Variants in ITGAL observed in about 807,000 individuals in gnomAD.
ITGAL encodes integrin alpha-L.
Under a neutral mutation model 138.4 loss-of-function variants are expected in ITGAL, and 68 were observed. The ratio of observed to expected loss-of-function variants is 0.49; its 90% CI spans 0.40 to 0.60. The LOEUF is 0.60. Ranked by LOEUF, ITGAL falls within the 20% of genes least tolerant of loss-of-function variation. The pLI is 0.00. For synonymous variants in ITGAL, 561 were observed against 584.3 expected (o/e 0.96, Z 0.57); for missense variants, 1,256 against 1,478.6 (o/e 0.85, Z 2.47).
chr16:30,499,238 A>G lies in ITGAL; in HGVS notation c.1993+4A>G. The G allele has an allele frequency of 6.2e-7, 1 of 1,614,064 alleles. No homozygotes were observed. The stretch of plus-strand genomic sequence containing the variant: ...TCTCTCATCCCCCAGTTCCAAGGTC[A>G]GAGCTCTCCTCCTGCTCCCAGGGCA... On this transcript the variant is annotated splice_donor_region_variant and intron_variant, in intron 16 of 30. Coordinates refer to ENST00000356798, the MANE Select transcript of ITGAL (RefSeq NM_002209.3).
At chr16:30,507,782 C>T (rs187842322) in intron 21 of ITGAL, among the ~76,000 whole-genome samples, 61 of 152,096 alleles carry the variant, frequency 4.0e-4, no homozygotes, top group Middle Eastern at 3.4e-3. Context: ...CAAGTGTGCC[C>T]GGCCAAATTT....
At chr16:30,506,669 C>T in intron 20 of ITGAL, 46 bp from the exon 21 acceptor site, 4 of 1,566,198 alleles carry the variant, frequency 2.6e-6, no homozygotes, top group Middle Eastern at 1.7e-4. Context: ...TGATATTCCC[C>T]ACCCTGATCC....
At chr16:30,473,383 A>G (rs946287361) in intron 1 of ITGAL, among the ~76,000 whole-genome samples, 2 of 152,238 alleles carry the variant, frequency 1.3e-5, no homozygotes, top group East Asian at 3.8e-4. Flanking sequence ...CAGTGAGCCA[A>G]GCTCGTGCCA....
intron 21 of ITGAL, among the ~76,000 whole-genome samples, chr16:30,507,176 TG>T (rs1271750128): frequency 4.0e-5 from 6 of 151,144 alleles, no homozygotes; most frequent in Non-Finnish European, 8.8e-5. Flanking sequence ...AATACAAAAA[TG>T]GGCCGGGCGT....
chr16:30,482,146 C>A lies in ITGAL; in HGVS notation c.722+562C>A, dbSNP rs2050571120. Among the ~76,000 whole-genome samples the A allele has an allele frequency of 5.9e-5, 9 of 152,198 alleles. No homozygotes were observed. In the South Asian group the frequency reaches 1.9e-3, roughly 32 times the overall value. ...CTGACCTCAGGTGATCCACCTGCCT[C>A]ACCCTCCCAAAGTGCTGGGATTACA... On this transcript the variant is annotated intron_variant, in intron 7 of 30. Coordinates refer to ENST00000356798, the MANE Select transcript of ITGAL (RefSeq NM_002209.3).
intron 25 of ITGAL, among the ~76,000 whole-genome samples, chr16:30,514,470 T>G (rs1351978724): frequency 6.6e-6 from 1 of 151,910 alleles, no homozygotes; most frequent in African/African-American, 2.4e-5. Context: ...AGAGATGGGG[T>G]TTTACCATGT....
At chr16:30,482,543 G>A (rs2050575840) in intron 7 of ITGAL, among the ~76,000 whole-genome samples, 1 of 152,142 alleles carries the variant, frequency 6.6e-6, no homozygotes, top group South Asian at 2.1e-4. Context: ...TGTAGAGGGG[G>A]CAAGGGCGGG....
chr16:30,503,595 GA>G (rs974327139), intron 17 of ITGAL, among the ~76,000 whole-genome samples: 4 of 148,182 alleles, frequency 2.7e-5, no homozygotes, highest in South Asian at 2.2e-4. Context: ...AAAGAAGAAA[GA>G]AAAAAAGAAA....
In ITGAL at chr16:30,494,339, G is replaced by C; in HGVS notation, c.1341G>C (p.Gln447His). 1 of 1,610,772 alleles carries C rather than the reference G, an allele frequency of 6.2e-7. No homozygotes were observed. The highest frequency in any genetic ancestry group is 8.5e-7 in the Non-Finnish European group (1 of 1,177,588). ...CACAGGGCGGAGGACACTGGAGCCAGGTCCAGACAATCCATGGGACCCAGG... is the reference window on the plus strand; with the variant it reads ...CACAGGGCGGAGGACACTGGAGCCACGTCCAGACAATCCATGGGACCCAGG... ...QEPQGGGHWSQVQTIHGTQIG... is the reference protein window; with the variant it reads ...QEPQGGGHWSHVQTIHGTQIG... Residue 447 changes from glutamine to histidine, a missense_variant, in exon 12 of 31, where the codon CAG (glutamine) becomes CAC (histidine). Transcript: ENST00000356798. The surrounding 1 kb of genome is among the most constrained non-coding windows in gnomAD (Gnocchi z 4.2).
intron 28 of ITGAL, among the ~76,000 whole-genome samples, chr16:30,518,176 C>T (rs987848774): frequency 8.6e-5 from 13 of 151,954 alleles, no homozygotes; most frequent in Non-Finnish European, 1.6e-4. Flanking sequence ...GAGGCTGGGG[C>T]GGGGCTCAAG....
chr16:30,481,902 G>GT (rs2050565853), intron 7 of ITGAL, among the ~76,000 whole-genome samples: 1 of 151,794 alleles, frequency 6.6e-6, no homozygotes, highest in Non-Finnish European at 1.5e-5. Context: ...TTTTGTTTTT[G>GT]TTTTTTGAGA....
chr16:30,517,742 C>A lies in ITGAL; in HGVS notation c.3033+37C>A, dbSNP rs372580521. The A allele has an allele frequency of 5.6e-6, 9 of 1,612,048 alleles. No individual in the cohort carries two copies. In the African/African-American group the frequency reaches 1.2e-4, roughly 21 times the overall value. The stretch of plus-strand genomic sequence containing the variant: ...TGAGCTGAGAGACGGTGGGGCTGGG[C>A]GGTACACGGGTCGGAATGAAGCCGC... On this transcript the variant is annotated intron_variant, in intron 27 of 30. Transcript: ENST00000356798.
In ITGAL at chr16:30,494,667, T is replaced by C. The variant is rs1175625562; in HGVS notation, c.1366-46T>C. 6.4e-7 allele frequency: 1 copy of C among 1,564,094 alleles called. No individual in the cohort carries two copies. The highest frequency in any genetic ancestry group is 8.7e-7 in the Non-Finnish European group (1 of 1,152,664). ...GTACAGGTATCTCCCTGCCAACCCC[T>C]GCTGTTCCCACAGGCGCTTCCCCAA... On this transcript the variant is annotated intron_variant, in intron 12 of 30. Coordinates refer to ENST00000356798, the MANE Select transcript of ITGAL (RefSeq NM_002209.3). The surrounding 1 kb of genome is among the most constrained non-coding windows in gnomAD (Gnocchi z 4.2).
chr16:30,488,660 A>G (rs541825172), intron 9 of ITGAL, among the ~76,000 whole-genome samples: 1 of 141,308 alleles, frequency 7.1e-6, no homozygotes, highest in African/African-American at 2.7e-5. Context: ...CTGAGATTGC[A>G]CTACCGCACT....
intron 28 of ITGAL, among the ~76,000 whole-genome samples, 172 bp from the exon 29 acceptor site, chr16:30,518,448 CAAAA>C (rs371321025): frequency 1.0e-5 from 1 of 99,678 alleles, no homozygotes; most frequent in Non-Finnish European, 2.1e-5. Context: ...GACTCCATCT[CAAAA>C]AAAAAAAAAA....
intron 29 of ITGAL, 47 bp from the exon 30 acceptor site, chr16:30,519,809 CA>C: frequency 8.1e-7 from 1 of 1,232,440 alleles, no homozygotes; most frequent in East Asian, 2.3e-5. Flanking sequence ...CAGGGACTTT[CA>C]GGGGTGGAAA....
intron 25 of ITGAL, among the ~76,000 whole-genome samples, chr16:30,516,232 A>ATTT (rs201896943): frequency 6.9e-6 from 1 of 144,016 alleles, no homozygotes; most frequent in Non-Finnish European, 1.5e-5. Context: ...GTGCTCAGAA[A>ATTT]TTTTTTTTTT....
Position 30,489,091 on chromosome 16 carries a change from A to G in ITGAL, c.1016A>G (p.Lys339Arg), listed in dbSNP as rs2050687834. 2 of 1,613,628 alleles carry G rather than the reference A, an allele frequency of 1.2e-6. No homozygotes were observed. Among genetic ancestry groups the G allele is most frequent in the East Asian group, 4.5e-5 (2 of 44,886 alleles). ...CTGCTTTGTTCCCCAGGCACAAGCA[A>G]ACAGGACCTGACTTCCTTCAACATG... ...KKIYVIEGTS[K>R]QDLTSFNMEL... The change falls in exon 10 of 31, where the codon AAA (lysine) becomes AGA (arginine). Residue 339 changes from lysine to arginine, a missense_variant. Physicochemically the swap from Lys to Arg is conservative, Grantham distance 26. This residue lies in a region of ITGAL where 177 missense variants were observed against 288.8 expected (regional missense o/e 0.61). Transcript: ENST00000356798.
chr16:30,520,747 C>T (rs1041378716), intron 30 of ITGAL, among the ~76,000 whole-genome samples: 8 of 152,162 alleles, frequency 5.3e-5, no homozygotes, highest in South Asian at 4.1e-4. Context: ...GCAGGCCTCC[C>T]AGGAGAGGTG....
Sources: allele counts gnomAD v4.1 joint callset (sites outside exome capture counted in the v4.1 genomes callset), GRCh38; gene constraint gnomAD v4.1.1; regional missense constraint gnomAD v4.1.1; non-coding constraint Gnocchi (gnomAD v3.1); transcripts MANE v1.5; gene names NCBI Gene and HGNC (gene_info 2026-07-23, HGNC 2026-07-21).